SLFN13: variants seen among roughly 807,000 people sequenced by gnomAD.
SLFN13 encodes the protein schlafen family member 13, also known as schlafen-13.
In SLFN13, 43 loss-of-function variants were observed where a neutral mutation model predicts 50.6. That is an observed-to-expected ratio of 0.85 (90% CI 0.67 to 1.09). The LOEUF (loss-of-function observed/expected upper bound fraction) is 1.09. Ranked by LOEUF, SLFN13 falls within the 50% of genes least tolerant of loss-of-function variation. The pLI is 0.00. For synonymous variants in SLFN13, 339 were observed against 386.5 expected, an observed-to-expected ratio of 0.88 and a Z score of 1.44; for missense variants, 881 against 1,071.1, an observed-to-expected ratio of 0.82 and a Z score of 2.48.
Position 35,445,694 on chromosome 17 carries a change from C to T in SLFN13, c.-13-1G>A, listed in dbSNP as rs114405302. On this transcript the variant is annotated splice_acceptor_variant, in intron 2 of 5. Transcript: ENST00000285013. LOFTEE classifies it low-confidence loss of function (5UTR_SPLICE). ...ATTTGCCTCCATGTTGAACTTGCAC[C>T]TTAAAGTATTAGAATATTTGTTTCA... The T allele has an allele frequency of 4.5e-6, 7 of 1,560,074 alleles. No homozygotes were observed. The South Asian group carries it at 8.4e-5, about 19-fold the overall frequency.
intron 3 of SLFN13, among the ~76,000 whole-genome samples, chr17:35,444,313 T>C (rs1913076416): frequency 6.6e-6 from 1 of 152,258 alleles, no homozygotes; most frequent in African/African-American, 2.4e-5. Context: ...TTTATGCTAA[T>C]CTGAGGTACA....
At chr17:35,443,093 A>C (rs1913007863) in intron 4 of SLFN13, among the ~76,000 whole-genome samples, 1 of 152,186 alleles carries the variant, frequency 6.6e-6, no homozygotes, top group African/African-American at 2.4e-5. Flanking sequence ...CTCATACTTA[A>C]TATGTTCAAT....
At position 35,443,881 on chromosome 17, in the gene SLFN13, A is replaced by C; in HGVS notation, c.1106T>G (p.Leu369Trp). The C allele has an allele frequency of 6.2e-7, 1 of 1,613,906 alleles. No individual in the cohort carries two copies. ...PDFAEAFESQ[L>W]SLSDSPSLCR... is the part of the protein sequence containing the mutation. Reference sequence around the variant, plus strand: ...AAGTGAAGGACTGTCAGATAGACTCAACTGAGACTCAAAGGCCTCAGCAAA... The same window carrying C: ...AAGTGAAGGACTGTCAGATAGACTCCACTGAGACTCAAAGGCCTCAGCAAA... Residue 369 changes from leucine to tryptophan, a missense_variant, in exon 4 of 6, where the codon TTG becomes TGG. Leu to Trp is a moderately conservative substitution (Grantham distance 61, BLOSUM62 -2). Transcript: ENST00000285013.
chr17:35,445,158 T>C lies in SLFN13; in HGVS notation c.523A>G (p.Ile175Val). ...LINEGSPPSK[I>V]MKAVYQNISE... ...ATGTTCTGGTATACAGCTTTCATAA[T>C]TTTACTAGGTGGAGACCCTTCATTA... The change falls in exon 3 of 6, where the codon ATT becomes GTT. Residue 175 changes from isoleucine (I) to valine (V), a missense_variant. By Grantham distance (29) the Ile-to-Val change is conservative. This residue lies in a region of SLFN13 where 497 missense variants were observed against 518.3 expected (regional missense o/e 0.96). Coordinates refer to ENST00000285013, the MANE Select transcript of SLFN13 (RefSeq NM_144682.6). 6.2e-7 allele frequency: 1 copy of C among 1,613,196 alleles called. No individual in the cohort carries two copies. The highest frequency in any genetic ancestry group is 8.5e-7 in the Non-Finnish European group (1 of 1,179,992).
Position 35,445,725 on chromosome 17 carries a change from G to T in SLFN13, c.-13-32C>A, listed in dbSNP as rs770530248. On this transcript the variant is annotated intron_variant, in intron 2 of 5. Coordinates refer to ENST00000285013, the MANE Select transcript of SLFN13 (RefSeq NM_144682.6). ...GTATTAGAATATTTGTTTCATTTTT[G>T]ATTAAAAAATTGTTACAGGCCTGCA... 27 of 1,481,028 alleles carry T rather than the reference G, an allele frequency of 1.8e-5. No individual in the cohort carries two copies. In the Admixed American group the frequency reaches 2.6e-4, roughly 14 times the overall value. 91.7% of individuals were successfully genotyped at this position (1,481,028 alleles called of 1,614,324 possible).
rs1014936105 is a variant in SLFN13 at position 35,445,615 on chromosome 17, T to G, written c.66A>C (p.Gly22=). Residue 22 remains glycine, a synonymous_variant, in exon 3 of 6, where the codon GGA becomes GGC. Transcript: ENST00000285013. ...PSYPDLVIDV[G]EVTLGEENRK... ...TGTTTTCTTCTCCCAGAGTCACTTC[T>G]CCGACATCGATGACCAGGTCTGGGT... 6.2e-7 allele frequency: 1 copy of G among 1,614,168 alleles called. No homozygotes were observed.
At position 35,435,607 on chromosome 17, in the gene SLFN13, C is replaced by T. The variant is rs1912626609; in HGVS notation, c.*4988G>A. 6.6e-6 allele frequency: 1 copy of T among 151,878 alleles called. No individual in the cohort carries two copies. Among genetic ancestry groups the T allele is most frequent in the African/African-American group, 2.4e-5 (1 of 41,364 alleles). 9.4% of individuals were successfully genotyped at this position (151,878 alleles called of 1,614,324 possible). On this transcript the variant is annotated 3_prime_UTR_variant, in exon 6 of 6. Coordinates refer to ENST00000285013, the MANE Select transcript of SLFN13 (RefSeq NM_144682.6). ...TTGCTGTTTGTTCATGCTGTAAATT[C>T]CCTTTGTTGATTTCCAAAAGTGTTT...
intron 4 of SLFN13, among the ~76,000 whole-genome samples, chr17:35,442,783 AAATG>A (rs1912992722): frequency 1.3e-5 from 2 of 152,194 alleles, no homozygotes; most frequent in Admixed American, 1.3e-4. Flanking sequence ...AAATCTGGTA[AAATG>A]AATGATGTCA....
chr17:35,449,361 C>A (rs1304071806), upstream of SLFN13, among the ~76,000 whole-genome samples: 2 of 152,106 alleles, frequency 1.3e-5, no homozygotes, highest in South Asian at 2.1e-4. Context: ...TCTCCTTTCC[C>A]GGAGCCTGCG....
In SLFN13 at chr17:35,443,730, T is replaced by C. The variant is rs865914789; in HGVS notation, c.1198+59A>G. ...GACACAATCTTTCATGGATTTGTTT[T>C]CCACGAAATGTATTAAATGACTTCC... On this transcript the variant is annotated intron_variant, in intron 4 of 5. Transcript: ENST00000285013. 1.0e-5 allele frequency: 16 copies of C among 1,554,304 alleles called. No individual in the cohort carries two copies. The Middle Eastern group carries it at 5.1e-4, about 50-fold the overall frequency.
Position 35,443,821 on chromosome 17 carries a change from T to A in SLFN13, c.1166A>T (p.His389Leu), listed in dbSNP as rs184067869. Residue 389 changes from histidine (H) to leucine (L), a missense_variant, in exon 4 of 6, where the codon CAC becomes CTC. Physicochemically the swap from His to Leu is moderately conservative, Grantham distance 99. Transcript: ENST00000285013. ...RPVYSKKGLE[H>L]KADLQQHLFP... ...TAAATGTTGTTGTAGATCAGCTTTG[T>A]GTTCCAGACCTTTCTTAGAATACAC... 4.8e-4 allele frequency: 775 copies of A among 1,612,964 alleles called. 3 individuals are homozygous for A. Among genetic ancestry groups the A allele is most frequent in the South Asian group, 2.1e-3 (189 of 91,018 alleles).
intron 2 of SLFN13, among the ~76,000 whole-genome samples, chr17:35,446,182 T>C (rs1913206988): frequency 6.6e-6 from 1 of 152,192 alleles, no homozygotes; most frequent in East Asian, 1.9e-4. Flanking sequence ...TGTAGAAAAG[T>C]CTGAGTATGA....
intron 3 of SLFN13, 111 bp from the exon 4 acceptor site, chr17:35,444,031 C>G: frequency 9.3e-7 from 1 of 1,072,696 alleles, no homozygotes; most frequent in Non-Finnish European, 1.3e-6. Flanking sequence ...AGTCAGGCCA[C>G]AAAGTCAGAT....
rs1185795134 is a variant in SLFN13, at chr17:35,437,477, C to A, written c.*3118G>T. On this transcript the variant is annotated 3_prime_UTR_variant, in exon 6 of 6. Transcript: ENST00000285013. ...TTAAATATTTGTCTTTCACTATGCT[C>A]AAGGCTTTACTAAGTTTTGTTAAAA... The A allele has an allele frequency of 1.3e-5, 2 of 152,094 alleles. No individual in the cohort carries two copies. The highest frequency in any genetic ancestry group is 4.8e-5 in the African/African-American group (2 of 41,424). The allele number at this position is 152,094 out of a possible 1,614,324, so 9.4% of individuals were successfully genotyped here.
At chr17:35,442,787 G>C (rs1466286779) in intron 4 of SLFN13, among the ~76,000 whole-genome samples, 2 of 152,172 alleles carry the variant, frequency 1.3e-5, no homozygotes, top group Non-Finnish European at 2.9e-5. Context: ...CTGGTAAAAT[G>C]AATGATGTCA....
rs948075689 is a variant in SLFN13 at position 35,436,082 on chromosome 17, C to T, written c.*4513G>A. On this transcript the variant is annotated 3_prime_UTR_variant, in exon 6 of 6. Coordinates refer to ENST00000285013, the MANE Select transcript of SLFN13 (RefSeq NM_144682.6). ...AGATATTTGAGTGATAATTGAGTGA[C>T]CTGCAATTTTCCTTTCATACTTTAC... The T allele has an allele frequency of 6.6e-6, 1 of 152,026 alleles. No homozygotes were observed. The highest frequency in any genetic ancestry group is 1.5e-5 in the Non-Finnish European group (1 of 68,022). 9.4% of individuals were successfully genotyped at this position (152,026 alleles called of 1,614,324 possible). A position where few individuals can be genotyped will look rare whatever the true frequency, so the allele number is the denominator to read the frequency against.
chr17:35,446,375 CT>C (rs1244897843), intron 2 of SLFN13, among the ~76,000 whole-genome samples: 1 of 152,150 alleles, frequency 6.6e-6, no homozygotes, highest in Admixed American at 6.5e-5. Context: ...GAAAAATGCT[CT>C]TCAGACACCT....
Position 35,445,157 on chromosome 17 carries a change from A to G in SLFN13, c.524T>C (p.Ile175Thr). The G allele has an allele frequency of 6.2e-7, 1 of 1,613,174 alleles. No homozygotes were observed. The highest frequency in any genetic ancestry group is 8.5e-7 in the Non-Finnish European group (1 of 1,180,008). ...LINEGSPPSK[I>T]MKAVYQNISE... ...TATGTTCTGGTATACAGCTTTCATA[A>G]TTTTACTAGGTGGAGACCCTTCATT... The change falls in exon 3 of 6, where the codon ATT becomes ACT. Residue 175 changes from isoleucine (I) to threonine (T), a missense_variant. Around this residue, in one of 5 missense-constraint regions of SLFN13, gnomAD observed 497 missense variants for 518.3 expected, o/e 0.96. Coordinates refer to ENST00000285013, the MANE Select transcript of SLFN13 (RefSeq NM_144682.6).
At position 35,438,371 on chromosome 17, in the gene SLFN13, C is replaced by T. The variant is rs1434492300; in HGVS notation, c.*2224G>A. On this transcript the variant is annotated 3_prime_UTR_variant, in exon 6 of 6. Transcript: ENST00000285013. ...CATCAGTAATCCTCTTTGGGCTGAA[C>T]AAAAATTCATAAATATTTATATATT... 3.3e-5 allele frequency: 5 copies of T among 151,808 alleles called. No homozygotes were observed. Among genetic ancestry groups the T allele is most frequent in the Admixed American group, 2.6e-4 (4 of 15,278 alleles). The allele number at this position is 151,808 out of a possible 1,614,324, so 9.4% of individuals were successfully genotyped here. A position where few individuals can be genotyped will look rare whatever the true frequency, so the allele number is the denominator to read the frequency against.
Sources: gnomAD v4.1 joint callset for allele counts (sites outside exome capture counted in the v4.1 genomes callset) on GRCh38, gnomAD v4.1.1 for gene constraint, gnomAD v4.1.1 regional missense constraint, MANE v1.5 for transcripts, NCBI Gene and HGNC (gene_info 2026-07-23, HGNC 2026-07-21) for gene names.